Variants in NOTCH2 observed in about 807,000 individuals in gnomAD.
The protein encoded by NOTCH2 is notch receptor 2.
A neutral mutation model predicts 235.8 loss-of-function variants in NOTCH2; 29 were observed. That is an observed-to-expected ratio of 0.12 (90% CI 0.09 to 0.17). NOTCH2 has a LOEUF of 0.17. Ranked by LOEUF, NOTCH2 falls within the 10% of genes least tolerant of loss-of-function variation. The pLI, the probability that NOTCH2 is intolerant of heterozygous loss-of-function variation, is 1.00. For synonymous variants in NOTCH2, 1,086 were observed against 1,141.5 expected (o/e 0.95, Z 0.98); for missense variants, 2,285 against 3,150.2 (o/e 0.73, Z 6.57).
intron 5 of NOTCH2, among the ~76,000 whole-genome samples, chr1:119,975,390 A>G (rs1353347752): frequency 1.3e-5 from 2 of 152,166 alleles, no homozygotes; most frequent in Non-Finnish European, 2.9e-5. Context: ...GCTCACGCCT[A>G]TAATTCCAGC....
intron 1 of NOTCH2, among the ~76,000 whole-genome samples, chr1:120,060,359 T>C (rs1287597410): frequency 4.1e-5 from 6 of 146,704 alleles, no homozygotes; most frequent in Non-Finnish European, 9.1e-5. Flanking sequence ...ACTTATCAAA[T>C]GGTAAAGATT....
At chr1:120,023,119 A>G (rs1483232315) in intron 2 of NOTCH2, among the ~76,000 whole-genome samples, 5 of 151,972 alleles carry the variant, frequency 3.3e-5, no homozygotes, top group Admixed American at 3.3e-4. Flanking sequence ...CAGGACTCAA[A>G]CTTAAGTCTA....
At position 120,069,642 on chromosome 1, in the gene NOTCH2, G is replaced by C. The variant is rs587659286; in HGVS notation, c.-236C>G. ...CCCGAAGTTTGGCTGAAACTTTCTC[G>C]GGTGTGCAACGAAGCAGCCTCGTGT... On this transcript the variant is annotated 5_prime_UTR_variant, in exon 1 of 34. Transcript: ENST00000256646. The C allele has an allele frequency of 4.5e-5, 62 of 1,389,914 alleles. No individual in the cohort carries two copies. The South Asian group carries it at 5.1e-4, about 11-fold the overall frequency. The allele number at this position is 1,389,914 out of a possible 1,614,324, so 86.1% of individuals were successfully genotyped here.
Position 119,968,280 on chromosome 1 carries a change from T to C in NOTCH2, c.1109-48A>G. Reference sequence around the variant, plus strand: ...ACAACTAAGAGAAAATGTCTCTCACTTGGGGAAGAGCTTTCTCTTTCACCC... The same window carrying C: ...ACAACTAAGAGAAAATGTCTCTCACCTGGGGAAGAGCTTTCTCTTTCACCC... On this transcript the variant is annotated intron_variant, in intron 6 of 33. Transcript: ENST00000256646. 5 of 1,589,654 alleles carry C rather than the reference T, an allele frequency of 3.1e-6. No individual in the cohort carries two copies. In the South Asian group the frequency reaches 4.5e-5, roughly 14 times the overall value.
In NOTCH2 at chr1:119,919,510, G is replaced by A. The variant is rs771662747; in HGVS notation, c.5583C>T (p.Asp1861=). The A allele has an allele frequency of 1.9e-5, 30 of 1,613,854 alleles. No homozygotes were observed. The highest frequency in any genetic ancestry group is 2.4e-5 in the Non-Finnish European group (28 of 1,180,052). ...AEDSSANIIT[D]LVYQGASLQA... ...GGAGGCTGGCACCCTGGTAGACCAA[G>A]TCTGTGATGATGTTAGCAGAAGAGT... Residue 1861 remains aspartate, a synonymous_variant, in exon 31 of 34, where the codon GAC becomes GAT. Coordinates refer to ENST00000256646, the MANE Select transcript of NOTCH2 (RefSeq NM_024408.4).
chr1:119,944,631 GGAGA>G lies in NOTCH2; in HGVS notation c.2753-2881_2753-2878del, dbSNP rs782216518. Among the ~76,000 whole-genome samples, 311 of 151,770 alleles carry G rather than the reference GGAGA, an allele frequency of 2.0e-3. 12 individuals carry two copies. In the South Asian group the frequency reaches 0.063, roughly 31 times the overall value. On this transcript the variant is annotated intron_variant, in intron 17 of 33. Coordinates refer to ENST00000256646, the MANE Select transcript of NOTCH2 (RefSeq NM_024408.4). ...AGAGGATATCTTAAAAGCAGCCACAGGAGAGAGAATTATATATGAAGGAACAGAT... is the reference window on the plus strand; with the variant it reads ...AGAGGATATCTTAAAAGCAGCCACAGGAGAATTATATATGAAGGAACAGAT...
chr1:119,926,666 T>A, intron 23 of NOTCH2, 55 bp from the exon 24 acceptor site: 1 of 1,436,206 alleles, frequency 7.0e-7, no homozygotes, highest in Non-Finnish European at 9.6e-7. Context: ...TCACTGCAAG[T>A]TACTCAACAA....
intron 2 of NOTCH2, among the ~76,000 whole-genome samples, chr1:120,006,110 C>G (rs1652966608): frequency 6.6e-6 from 1 of 152,162 alleles, no homozygotes; most frequent in African/African-American, 2.4e-5. Context: ...ATAGTAAGCG[C>G]TTCTTTCTCT....
At chr1:120,028,621 A>G (rs1215120383) in intron 2 of NOTCH2, among the ~76,000 whole-genome samples, 20 of 140,216 alleles carry the variant, frequency 1.4e-4, no homozygotes, top group Non-Finnish European at 2.5e-4. Flanking sequence ...GAAAAAAAAA[A>G]TCTTGTTTAT....
In NOTCH2 at chr1:119,919,632, C is replaced by G. The variant is rs2101150289; in HGVS notation, c.5480-19G>C. On this transcript the variant is annotated intron_variant, in intron 30 of 33. Transcript: ENST00000256646. ...CAGCCATCTGTAGGAATGGAAAATT[C>G]CATAAAGTACTCAAGAAGGAGAAGG... The G allele has an allele frequency of 6.2e-7, 1 of 1,611,854 alleles. No homozygotes were observed. The highest frequency in any genetic ancestry group is 8.5e-7 in the Non-Finnish European group (1 of 1,178,848).
chr1:119,946,212 AG>A (rs1296245100), intron 17 of NOTCH2, among the ~76,000 whole-genome samples: 2 of 152,108 alleles, frequency 1.3e-5, no homozygotes, highest in Non-Finnish European at 2.9e-5. Flanking sequence ...TTTCCCAGAA[AG>A]AAGGTTCCAT....
chr1:120,029,281 T>C (rs1428813072), intron 2 of NOTCH2, among the ~76,000 whole-genome samples: 1 of 151,712 alleles, frequency 6.6e-6, no homozygotes, highest in Admixed American at 6.6e-5. Context: ...GGTAACATGT[T>C]AAGGGGAGAC....
chr1:119,999,036 T>A (rs1652603399), intron 3 of NOTCH2, among the ~76,000 whole-genome samples: 2 of 115,036 alleles, frequency 1.7e-5, no homozygotes, highest in African/African-American at 6.9e-5. Flanking sequence ...TTTTTATGGC[T>A]GAATAGTATT....
intron 33 of NOTCH2, 115 bp from the exon 34 acceptor site, chr1:119,916,809 C>G: frequency 9.8e-7 from 1 of 1,018,136 alleles, no homozygotes; most frequent in South Asian, 1.4e-5. Flanking sequence ...ATTATCTCCC[C>G]GATGAAATAT....
chr1:120,048,480 GCT>G (rs1654891940), intron 1 of NOTCH2, among the ~76,000 whole-genome samples: 1 of 84,016 alleles, frequency 1.2e-5, no homozygotes, highest in Non-Finnish European at 2.1e-5. Context: ...ACAGGATCTT[GCT>G]CTGTCACCCA....
chr1:119,916,221 A>C lies in NOTCH2; in HGVS notation c.6501T>G (p.Ser2167=). 6.2e-7 allele frequency: 1 copy of C among 1,614,178 alleles called. No individual in the cohort carries two copies. Among genetic ancestry groups the C allele is most frequent in the Non-Finnish European group, 8.5e-7 (1 of 1,180,038 alleles). The change falls in exon 34 of 34, where the codon TCT becomes TCG. Residue 2167 remains serine, a synonymous_variant. Transcript: ENST00000256646. ...PHTYVSDTTS[S]PMITSPGILQ... ...AGATCCCAGGGGATGTAATCATTGG[A>C]GAGGATGTGGTGTCGGAAACATACG...
At chr1:119,969,835 C>A in intron 5 of NOTCH2, 91 bp from the exon 6 acceptor site, 1 of 1,176,544 alleles carries the variant, frequency 8.5e-7, no homozygotes, top group Non-Finnish European at 1.3e-6. Context: ...CTTCATGTGA[C>A]CTGTCTGAAA....
chr1:120,033,722 T>A (rs1654191740), intron 1 of NOTCH2, among the ~76,000 whole-genome samples: 1 of 151,270 alleles, frequency 6.6e-6, no homozygotes, highest in African/African-American at 2.4e-5. Context: ...TTGAGATATA[T>A]TGCATAGAGT....
In NOTCH2 at chr1:120,069,317, C is replaced by T. The variant is rs1553217889; in HGVS notation, c.73+17G>A. The T allele has an allele frequency of 1.3e-6, 2 of 1,558,676 alleles. No individual in the cohort carries two copies. The highest frequency in any genetic ancestry group is 1.7e-6 in the Non-Finnish European group (2 of 1,160,168). On this transcript the variant is annotated intron_variant, in intron 1 of 33. Transcript: ENST00000256646. ...GCCCCGGGCGCCGCGGACAGCGCCC[C>T]TCAGCCCGATACTCACCATGCGCGG...
Sources: allele counts gnomAD v4.1 joint callset (sites outside exome capture counted in the v4.1 genomes callset), GRCh38; gene constraint gnomAD v4.1.1; transcripts MANE v1.5; gene names NCBI Gene and HGNC (gene_info 2026-07-23, HGNC 2026-07-21).